The following SH3GL2 variants were observed in gnomAD, a reference collection of about 807,000 sequenced individuals.
SH3GL2 encodes the protein endophilin-A1.
SH3GL2 carries 24 observed loss-of-function variants against 46.0 expected under a neutral mutation model. The ratio of observed to expected loss-of-function variants is 0.52; its 90% CI spans 0.38 to 0.73. The LOEUF (loss-of-function observed/expected upper bound fraction) is 0.73, where lower values mean the gene tolerates loss of function less well. SH3GL2 is among the 30% of genes least tolerant of loss of function. The pLI is 0.00. For synonymous variants in SH3GL2, 196 were observed against 147.1 expected (o/e 1.33, Z -2.40); for missense variants, 413 against 424.2 (o/e 0.97, Z 0.23).
intron 1 of SH3GL2, among the ~76,000 whole-genome samples, chr9:17,720,358 G>T (rs369844028): frequency 6.6e-6 from 1 of 152,110 alleles, no homozygotes; most frequent in African/African-American, 2.4e-5. Flanking sequence ...AGAATGATTC[G>T]CAAATCAGGC....
chr9:17,602,295 C>G (rs571498483), intron 1 of SH3GL2, among the ~76,000 whole-genome samples: 2 of 152,282 alleles, frequency 1.3e-5, no homozygotes, highest in South Asian at 4.1e-4. Flanking sequence ...GGATTTGATT[C>G]TGTCCAAAAG....
chr9:17,768,348 G>A (rs1447206274), intron 3 of SH3GL2, among the ~76,000 whole-genome samples: 2 of 142,426 alleles, frequency 1.4e-5, no homozygotes, highest in African/African-American at 5.5e-5. Flanking sequence ...TGCAGCCTGG[G>A]CGACAGAGCG....
intron 1 of SH3GL2, among the ~76,000 whole-genome samples, chr9:17,671,237 A>G (rs894270539): frequency 1.2e-4 from 18 of 152,174 alleles, no homozygotes; most frequent in African/African-American, 4.3e-4. Context: ...TTTATTCATC[A>G]GATTTTATTG....
At chr9:17,731,290 G>T (rs180792028) in intron 1 of SH3GL2, among the ~76,000 whole-genome samples, 234 of 152,080 alleles carry the variant, frequency 1.5e-3, no homozygotes, top group African/African-American at 5.5e-3. Flanking sequence ...TAATGTGATG[G>T]TATTTGGAGA....
At chr9:17,790,168 A>T (rs1388379227) in intron 6 of SH3GL2, among the ~76,000 whole-genome samples, 2 of 152,148 alleles carry the variant, frequency 1.3e-5, no homozygotes, top group Non-Finnish European at 2.9e-5. Context: ...AGAGAGAACA[A>T]ACTTGCCTTT....
intron 1 of SH3GL2, among the ~76,000 whole-genome samples, chr9:17,688,656 A>G (rs1820990778): frequency 1.3e-5 from 2 of 152,174 alleles, no homozygotes; most frequent in South Asian, 4.1e-4. Context: ...GTGCTAAAGA[A>G]TAAAAACTCC....
chr9:17,750,301 T>C (rs1822806545), intron 2 of SH3GL2, among the ~76,000 whole-genome samples: 1 of 152,130 alleles, frequency 6.6e-6, no homozygotes, highest in Non-Finnish European at 1.5e-5. Context: ...TTTGCTCATC[T>C]GTATTCTCGG....
In SH3GL2 at chr9:17,643,226, G is replaced by T. The variant is rs191338367; in HGVS notation, c.45+63939G>T. On this transcript the variant is annotated intron_variant, in intron 1 of 8. Coordinates refer to ENST00000380607, the MANE Select transcript of SH3GL2 (RefSeq NM_003026.5). ...GTGTATAGGAAAGCTTGTGATTTTT[G>T]CACATTGATTTTGTACCCTGAGACT... is the stretch of plus-strand genomic sequence containing the variant. 4.7e-4 allele frequency among the ~76,000 whole-genome samples: 72 copies of T among 152,244 alleles called. 1 individual carries two copies. The East Asian group carries it at 9.3e-3, about 20-fold the overall frequency.
intron 1 of SH3GL2, among the ~76,000 whole-genome samples, chr9:17,604,908 G>A (rs1440929288): frequency 2.0e-5 from 3 of 151,948 alleles, no homozygotes; most frequent in Non-Finnish European, 2.9e-5. Context: ...AAAGTAGGTC[G>A]AGGACCTGCA....
At chr9:17,764,013 A>G (rs1267294570) in intron 3 of SH3GL2, among the ~76,000 whole-genome samples, 1 of 152,150 alleles carries the variant, frequency 6.6e-6, no homozygotes, top group Non-Finnish European at 1.5e-5. Context: ...AATTGAGAAG[A>G]TCTGAATGTT....
At chr9:17,688,153 A>G (rs924643637) in intron 1 of SH3GL2, among the ~76,000 whole-genome samples, 6 of 152,084 alleles carry the variant, frequency 3.9e-5, no homozygotes, top group African/African-American at 1.4e-4. Flanking sequence ...CTACTTAGCA[A>G]TGGGTGCCTC....
intron 1 of SH3GL2, among the ~76,000 whole-genome samples, chr9:17,696,416 A>C (rs942823728): frequency 6.6e-6 from 1 of 152,206 alleles, no homozygotes; most frequent in Non-Finnish European, 1.5e-5. Flanking sequence ...ATGGTATATT[A>C]GTCCATTCTC....
At chr9:17,728,111 A>G (rs1822069436) in intron 1 of SH3GL2, among the ~76,000 whole-genome samples, 1 of 152,132 alleles carries the variant, frequency 6.6e-6, no homozygotes, top group Non-Finnish European at 1.5e-5. Flanking sequence ...AAAGCTGGGT[A>G]TTTACATTTT....
chr9:17,729,386 G>T (rs1461126355), intron 1 of SH3GL2, among the ~76,000 whole-genome samples: 2 of 152,034 alleles, frequency 1.3e-5, no homozygotes, highest in Admixed American at 1.3e-4. Flanking sequence ...TGGATAGATT[G>T]CAAAAATTTT....
intron 2 of SH3GL2, among the ~76,000 whole-genome samples, chr9:17,759,695 G>A (rs150665669): frequency 3.3e-5 from 5 of 152,226 alleles, no homozygotes; most frequent in African/African-American, 1.2e-4. Context: ...AGAGATGGGG[G>A]AACCTTAGAA....
At chr9:17,694,198 G>C (rs775199871) in intron 1 of SH3GL2, among the ~76,000 whole-genome samples, 8 of 152,086 alleles carry the variant, frequency 5.3e-5, no homozygotes, top group Non-Finnish European at 8.8e-5. Flanking sequence ...AGGCTTAATT[G>C]ACTCACAGTT....
At chr9:17,633,364 C>T (rs1819475984) in intron 1 of SH3GL2, among the ~76,000 whole-genome samples, 1 of 152,126 alleles carries the variant, frequency 6.6e-6, no homozygotes, top group South Asian at 2.1e-4. Context: ...GGCTGCACTG[C>T]TGCCAGTGAC....
At chr9:17,739,487 A>G (rs1822461383) in intron 1 of SH3GL2, among the ~76,000 whole-genome samples, 1 of 152,134 alleles carries the variant, frequency 6.6e-6, no homozygotes, top group African/African-American at 2.4e-5. Flanking sequence ...GAAAATGTAT[A>G]AAATTTTTTC....
chr9:17,616,029 A>G (rs887618878), intron 1 of SH3GL2, among the ~76,000 whole-genome samples: 1 of 152,180 alleles, frequency 6.6e-6, no homozygotes, highest in Non-Finnish European at 1.5e-5. Context: ...GGCAGCCTGC[A>G]TTCAGCTTTC....
Sources: gnomAD v4.1 joint callset for allele counts (sites outside exome capture counted in the v4.1 genomes callset) on GRCh38, gnomAD v4.1.1 for gene constraint, MANE v1.5 for transcripts, NCBI Gene and HGNC (gene_info 2026-07-23, HGNC 2026-07-21) for gene names.